CEP131: variants seen among roughly 807,000 people sequenced by gnomAD.
CEP131 encodes centrosomal protein of 131 kDa.
CEP131 carries 99 observed loss-of-function variants against 136.8 expected under a neutral mutation model. The observed-to-expected ratio is 0.72, with a 90% CI of 0.62 to 0.86. The LOEUF is 0.86. CEP131 is among the 40% of genes least tolerant of loss of function. CEP131 has a pLI of 0.00. For missense variants in CEP131, 1,459 were observed against 1,463.0 expected (o/e 1.00, Z 0.04); for synonymous variants, 646 against 612.7 (o/e 1.05, Z -0.80).
chr17:81,210,954 GC>G (rs2062119378), intron 2 of CEP131, among the ~76,000 whole-genome samples: 1 of 152,110 alleles, frequency 6.6e-6, no homozygotes, highest in Non-Finnish European at 1.5e-5. Flanking sequence ...AACAGAAAGT[GC>G]AGGCAGGGAG....
intron 18 of CEP131, 51 bp downstream of exon 18, chr17:81,193,875 G>C: frequency 6.6e-7 from 1 of 1,515,154 alleles, no homozygotes; most frequent in South Asian, 1.2e-5. Flanking sequence ...CGAGGATTCC[G>C]ACTCCCCGCC....
At chr17:81,214,177 A>T (rs1011208143) in intron 2 of CEP131, among the ~76,000 whole-genome samples, 3 of 152,272 alleles carry the variant, frequency 2.0e-5, no homozygotes, top group Non-Finnish European at 2.9e-5. Flanking sequence ...CAAATAGCAG[A>T]GACTGGGTGC....
intron 7 of CEP131, among the ~76,000 whole-genome samples, chr17:81,200,676 G>C (rs1309393468): frequency 6.6e-6 from 1 of 152,218 alleles, no homozygotes; most frequent in Non-Finnish European, 1.5e-5. Flanking sequence ...GGTGCCCAGG[G>C]GAGAGGAAAC....
At chr17:81,193,225 C>T (rs914768471) in intron 18 of CEP131, among the ~76,000 whole-genome samples, 2 of 152,224 alleles carry the variant, frequency 1.3e-5, no homozygotes, top group Middle Eastern at 3.2e-3. Context: ...ACCTCCCCTG[C>T]CTCCGGCCTG....
rs368425231 is a variant in CEP131, at chr17:81,196,807, G to A, written c.1793C>T (p.Thr598Met). ...CTCTGTCTCCTTGACCCGCCGGGCC[G>A]TGAGGTCTCGCTGCTGCGCCTGCAG... ...QRALAQQRDL[T>M]ARRVKETEKA... is the part of the protein sequence containing the mutation. The change falls in exon 15 of 26, where the codon ACG becomes ATG. Residue 598 changes from threonine to methionine, a missense_variant. Physicochemically the swap from Thr to Met is moderately conservative, Grantham distance 81. Transcript: ENST00000450824. The A allele has an allele frequency of 1.3e-4, 207 of 1,592,292 alleles. No homozygotes were observed. Among genetic ancestry groups the A allele is most frequent in the Non-Finnish European group, 1.5e-4 (180 of 1,170,958 alleles).
At chr17:81,205,208 G>A (rs538899016) in intron 5 of CEP131, among the ~76,000 whole-genome samples, 6 of 150,706 alleles carry the variant, frequency 4.0e-5, no homozygotes, top group Admixed American at 6.6e-5. Context: ...GCGGTGAGCC[G>A]AGATCACACC....
chr17:81,197,642 G>A (rs570924314), intron 13 of CEP131, 70 bp downstream of exon 13: 102 of 1,511,026 alleles, frequency 6.8e-5, no homozygotes, highest in Admixed American at 5.4e-4. Flanking sequence ...CTCCTCCCCC[G>A]AGGGCCAGGT....
Position 81,193,956 on chromosome 17 carries a change from C to T in CEP131, c.2291G>A (p.Gly764Asp), listed in dbSNP as rs748896818. The change falls in exon 18 of 26, where the codon GGC becomes GAC. Residue 764 changes from glycine to aspartate, a missense_variant. Transcript: ENST00000450824. The part of the protein sequence containing the change: ...EQLEREKEAL[G>D]QQERERARQR... ...CCGAGCACGTTCGCGCTCCTGCTGG[C>T]CCAGCGCCTCCTTCTCCCGCTCCAG... The T allele has an allele frequency of 3.2e-6, 5 of 1,539,636 alleles. No homozygotes were observed. The highest frequency in any genetic ancestry group is 8.8e-7 in the Non-Finnish European group (1 of 1,142,478).
In CEP131 at chr17:81,193,933, G is replaced by C. The variant is rs761531987; in HGVS notation, c.2314C>G (p.Arg772Gly). The change falls in exon 18 of 26, where the codon CGG becomes GGG. Residue 772 changes from arginine to glycine, a missense_variant. By Grantham distance (125) the Arg-to-Gly change is moderately radical. This residue lies in a region of CEP131 where 1,026 missense variants were observed against 964.2 expected (regional missense o/e 1.06). Transcript: ENST00000450824. Reference sequence around the variant, plus strand: ...CCTGGGGCCACCACCCACCGCTGCCGAGCACGTTCGCGCTCCTGCTGGCCC... The same window carrying C: ...CCTGGGGCCACCACCCACCGCTGCCCAGCACGTTCGCGCTCCTGCTGGCCC... ...ALGQQERERA[R>G]QRFQQHLEQE... 2 of 1,535,794 alleles carry C rather than the reference G, an allele frequency of 1.3e-6. No homozygotes were observed. Among genetic ancestry groups the C allele is most frequent in the African/African-American group, 1.4e-5 (1 of 72,648 alleles).
chr17:81,211,194 A>T (rs1484721725), intron 2 of CEP131, among the ~76,000 whole-genome samples: 2 of 152,254 alleles, frequency 1.3e-5, no homozygotes, highest in African/African-American at 4.8e-5. Flanking sequence ...CTGGGGCCAC[A>T]GAGGCCCTGT....
rs1286918480 is a variant in CEP131 at position 81,190,087 on chromosome 17, T to C, written c.3108-112A>G. The C allele has an allele frequency of 3.1e-6, 3 of 969,768 alleles. No homozygotes were observed. In the African/African-American group the frequency reaches 5.0e-5, roughly 16 times the overall value. 60.1% of individuals were successfully genotyped at this position (969,768 alleles called of 1,614,324 possible). On this transcript the variant is annotated intron_variant, in intron 24 of 25. Coordinates refer to ENST00000450824, the MANE Select transcript of CEP131 (RefSeq NM_014984.4). Reference sequence around the variant, plus strand: ...CGCCTGGTCAGCCTGGTCCCAGCCCTGCTGACCACGACTCCTGTGGCTGGC... The same window carrying C: ...CGCCTGGTCAGCCTGGTCCCAGCCCCGCTGACCACGACTCCTGTGGCTGGC...
At chr17:81,218,200 G>A (rs952851631) in intron 2 of CEP131, among the ~76,000 whole-genome samples, 6 of 152,110 alleles carry the variant, frequency 3.9e-5, no homozygotes, top group East Asian at 1.9e-4. Context: ...GCGCCACCAC[G>A]CCCGGCTAAT....
chr17:81,222,828 GC>G lies in CEP131; in HGVS notation c.-78del, dbSNP rs2062418321. On this transcript the variant is annotated 5_prime_UTR_variant, in exon 1 of 26. Transcript: ENST00000450824. ...CTGGCGCGCGGGGCCTGCAGATTCG[GC>G]CGGCGGGGAGGGGATGCGGAACCAG... 6.6e-6 allele frequency: 1 copy of G among 152,292 alleles called. No individual in the cohort carries two copies. The highest frequency in any genetic ancestry group is 6.5e-5 in the Admixed American group (1 of 15,288). The allele number at this position is 152,292 out of a possible 1,614,324, so 9.4% of individuals were successfully genotyped here.
Position 81,215,631 on chromosome 17 carries a change from C to T in CEP131, c.177+4249G>A, listed in dbSNP as rs547570161. ...TTCACCGTGTTGGCCAGGCTGGTCT[C>T]GAACTCCTGACCTCAAGCAATCTGC... is the stretch of plus-strand genomic sequence containing the variant. On this transcript the variant is annotated intron_variant, in intron 2 of 25. Transcript: ENST00000450824. This position sits in a 1 kb window ranked among gnomAD's most constrained non-coding sequence, Gnocchi z 4.1. 3.3e-3 allele frequency among the ~76,000 whole-genome samples: 507 copies of T among 151,578 alleles called. 1 individual carries two copies. The highest frequency in any genetic ancestry group is 0.011 in the African/African-American group (468 of 41,322).
rs2061663761 is a variant in CEP131, at chr17:81,192,517, C to G, written c.2506G>C (p.Glu836Gln). ...SSALTRALRA[E>Q]FEKGREEQER... is the part of the protein sequence containing the mutation. ...TGCTCCTCCCTGCCCTTCTCAAACT[C>G]AGCCCTCAGGGCTCGGGTCAGTGCA... Residue 836 changes from glutamate (E) to glutamine (Q), a missense_variant, in exon 20 of 26, where the codon GAG becomes CAG. Physicochemically the swap from Glu to Gln is conservative, Grantham distance 29. Transcript: ENST00000450824. 3 of 1,611,454 alleles carry G rather than the reference C, an allele frequency of 1.9e-6. No homozygotes were observed. The highest frequency in any genetic ancestry group is 1.8e-4 in the Middle Eastern group (1 of 5,528).
intron 11 of CEP131, 60 bp downstream of exon 11, chr17:81,198,817 C>G: frequency 6.7e-7 from 1 of 1,498,736 alleles, no homozygotes; most frequent in East Asian, 2.5e-5. Context: ...ACACCCCTGG[C>G]ACAGACATGG....
rs757705491 is a variant in CEP131, at chr17:81,189,974, C to T, written c.3109G>A (p.Val1037Met). The T allele has an allele frequency of 1.9e-6, 3 of 1,607,808 alleles. No homozygotes were observed. Among genetic ancestry groups the T allele is most frequent in the East Asian group, 2.2e-5 (1 of 44,698 alleles). The change falls in exon 25 of 26, where the codon GTG (valine) becomes ATG (methionine). Residue 1037 changes from valine (V) to methionine (M), a missense_variant and splice_region_variant. Val to Met is a conservative substitution (Grantham distance 21). Coordinates refer to ENST00000450824, the MANE Select transcript of CEP131 (RefSeq NM_014984.4). Reference protein sequence around the residue: ...QLELEEVHRRVKTALARKEEA... With the variant: ...QLELEEVHRRMKTALARKEEA... ...TCCTTCCTCGCGAGGGCTGTCTTCA[C>T]CCTGTGGGTAGTACATGGTAGGCTT...
chr17:81,200,047 G>A lies in CEP131; in HGVS notation c.907-212C>T, dbSNP rs938171503. The A allele has an allele frequency of 6.8e-5, 42 of 616,580 alleles. No homozygotes were observed. In the Admixed American group the frequency reaches 7.1e-4, roughly 10 times the overall value. The allele number at this position is 616,580 out of a possible 1,614,324, so 38.2% of individuals were successfully genotyped here. ...ACGTCGCAGGTGGCCAACAGTTCTG[G>A]CGTGGGGGAGACAGCTCTGCCCCCA... On this transcript the variant is annotated intron_variant, in intron 8 of 25. Transcript: ENST00000450824.
chr17:81,194,237 A>C, intron 17 of CEP131, 110 bp from the exon 18 acceptor site: 1 of 1,048,400 alleles, frequency 9.5e-7, no homozygotes, highest in Non-Finnish European at 1.3e-6. Flanking sequence ...CCGCCCACCC[A>C]GGGCCTCCTT....
Sources: allele counts gnomAD v4.1 joint callset (sites outside exome capture counted in the v4.1 genomes callset), GRCh38; gene constraint gnomAD v4.1.1; regional missense constraint gnomAD v4.1.1; non-coding constraint Gnocchi (gnomAD v3.1); transcripts MANE v1.5; gene names NCBI Gene and HGNC (gene_info 2026-07-23, HGNC 2026-07-21).